The following EHBP1 variants were observed in gnomAD, a reference collection of about 807,000 sequenced individuals.
EHBP1 encodes EH domain binding protein 1.
EHBP1 carries 55 observed loss-of-function variants against 144.0 expected under a neutral mutation model. The ratio of observed to expected loss-of-function variants is 0.38; its 90% CI spans 0.31 to 0.48. The LOEUF (loss-of-function observed/expected upper bound fraction) is 0.48. EHBP1 is among the 20% of genes least tolerant of loss of function. The pLI, the probability that EHBP1 is intolerant of heterozygous loss-of-function variation, is 0.98. For synonymous variants in EHBP1, 469 were observed against 472.7 expected, an observed-to-expected ratio of 0.99 and a Z score of 0.10; for missense variants, 1,200 against 1,364.2, an observed-to-expected ratio of 0.88 and a Z score of 1.90.
chr2:63,002,467 TAGA>T (rs2059887289), intron 19 of EHBP1, among the ~76,000 whole-genome samples: 7 of 152,138 alleles, frequency 4.6e-5, no homozygotes, highest in Admixed American at 4.6e-4. Flanking sequence ...CTCAGTGTAT[TAGA>T]AGAACTTATA....
At chr2:62,858,574 TCTTGA>T in intron 7 of EHBP1, 1 of 1,029,346 alleles carries the variant, frequency 9.7e-7, no homozygotes, top group Non-Finnish European at 1.5e-6. Context: ...ACCTGCTACC[TCTTGA>T]CTTCTGTCTG....
chr2:63,014,969 ACT>A (rs1366251809), intron 19 of EHBP1, among the ~76,000 whole-genome samples: 2 of 152,108 alleles, frequency 1.3e-5, no homozygotes, highest in Admixed American at 6.6e-5. Flanking sequence ...CAAGAGTGAA[ACT>A]CTGTCTCAAA....
At chr2:62,987,900 A>T in intron 15 of EHBP1, 1 of 1,156,606 alleles carries the variant, frequency 8.6e-7, no homozygotes, top group Non-Finnish European at 1.3e-6. Context: ...TATAAATAAT[A>T]TACTAACATT....
chr2:62,680,123 C>T (rs1046936644), intron 1 of EHBP1, among the ~76,000 whole-genome samples: 3 of 152,156 alleles, frequency 2.0e-5, no homozygotes, highest in Non-Finnish European at 2.9e-5. Flanking sequence ...TCTACATGAA[C>T]GCTTTCACTG....
Position 62,949,068 on chromosome 2 carries a change from A to G in EHBP1, c.2222A>G (p.Lys741Arg). The G allele has an allele frequency of 6.2e-7, 1 of 1,608,380 alleles. No homozygotes were observed. The highest frequency in any genetic ancestry group is 1.3e-5 in the African/African-American group (1 of 74,640). Reference protein sequence around the residue: ...YSYSRDLDLAKKKHASLRQTE... With the variant: ...YSYSRDLDLARKKHASLRQTE... ...TATAGTAGAGATCTAGACCTTGCTAAGAAAAAACATGCTTCCCTGAGGCAG... is the reference window on the plus strand; with the variant it reads ...TATAGTAGAGATCTAGACCTTGCTAGGAAAAAACATGCTTCCCTGAGGCAG... Residue 741 changes from lysine (K) to arginine (R), a missense_variant, in exon 13 of 23, where the codon AAG (lysine) becomes AGG (arginine). Around this residue, in one of 6 missense-constraint regions of EHBP1, gnomAD observed 543 missense variants for 513.1 expected, o/e 1.06. Transcript: ENST00000431489.
intron 14 of EHBP1, among the ~76,000 whole-genome samples, chr2:62,963,784 A>G (rs1425477762): frequency 1.3e-5 from 2 of 152,182 alleles, no homozygotes; most frequent in East Asian, 3.8e-4. Flanking sequence ...TAACATACAG[A>G]TTTTATTTAG....
At chr2:62,937,507 A>C (rs1213851199) in intron 10 of EHBP1, among the ~76,000 whole-genome samples, 1 of 152,254 alleles carries the variant, frequency 6.6e-6, no homozygotes, top group Non-Finnish European at 1.5e-5. Flanking sequence ...ATATTATAGT[A>C]AAATGAAAAT....
chr2:62,694,137 TAAAG>T (rs1172646913), intron 1 of EHBP1, among the ~76,000 whole-genome samples: 7 of 152,222 alleles, frequency 4.6e-5, no homozygotes, highest in Admixed American at 2.0e-4. Flanking sequence ...CAAAGAACAT[TAAAG>T]AAATTATTGC....
At chr2:62,940,850 T>C (rs1426602577) in intron 10 of EHBP1, among the ~76,000 whole-genome samples, 3 of 152,206 alleles carry the variant, frequency 2.0e-5, no homozygotes, top group Non-Finnish European at 4.4e-5. Flanking sequence ...CCTTTTCATA[T>C]TGAGCCTTCT....
At chr2:62,677,825 T>C (rs556391859) in intron 1 of EHBP1, among the ~76,000 whole-genome samples, 12 of 152,218 alleles carry the variant, frequency 7.9e-5, no homozygotes, top group Admixed American at 2.6e-4. Flanking sequence ...TCTCATTCTT[T>C]CTTTTGGCTG....
At chr2:62,819,483 C>G (rs2045718002) in intron 5 of EHBP1, among the ~76,000 whole-genome samples, 1 of 152,146 alleles carries the variant, frequency 6.6e-6, no homozygotes, top group Admixed American at 6.5e-5. Flanking sequence ...TGCAGCCGGG[C>G]ACAGTGGCTC....
chr2:62,772,985 A>G (rs1484480703), intron 5 of EHBP1, among the ~76,000 whole-genome samples: 2 of 152,198 alleles, frequency 1.3e-5, no homozygotes, highest in Non-Finnish European at 2.9e-5. Context: ...GGATTGTGAA[A>G]TTGCTATATT....
chr2:62,732,997 G>GT (rs2037761386), intron 2 of EHBP1, among the ~76,000 whole-genome samples: 1 of 152,046 alleles, frequency 6.6e-6, no homozygotes, highest in Non-Finnish European at 1.5e-5. Flanking sequence ...TTTTTTAAGA[G>GT]TTTTCATTTC....
At chr2:62,896,061 G>A (rs1347279534) in intron 10 of EHBP1, among the ~76,000 whole-genome samples, 2 of 152,124 alleles carry the variant, frequency 1.3e-5, no homozygotes, top group East Asian at 3.8e-4. Context: ...AATAGACACA[G>A]TTTCTAACTT....
At chr2:62,962,018 A>T (rs951647235) in intron 14 of EHBP1, among the ~76,000 whole-genome samples, 2 of 151,934 alleles carry the variant, frequency 1.3e-5, no homozygotes, top group Non-Finnish European at 2.9e-5. Flanking sequence ...ACAGAGCAAG[A>T]CTCTGTCTCA....
At chr2:62,864,118 G>A (rs114163943) in intron 8 of EHBP1, among the ~76,000 whole-genome samples, 2,119 of 152,068 alleles carry the variant, frequency 0.014, 57 homozygotes, top group African/African-American at 0.049. Context: ...AAAGAGTTGG[G>A]ATTACAGGTG....
In EHBP1 at chr2:62,707,171, C is replaced by G. The variant is rs375031846; in HGVS notation, c.-21C>G. On this transcript the variant is annotated 5_prime_UTR_variant, in exon 2 of 23. Transcript: ENST00000431489. Reference sequence around the variant, plus strand: ...GCTGTATTGCTAACCCAGAACTGCTCCAGTGTCTTGACTGATCATCATGGC... The same window carrying G: ...GCTGTATTGCTAACCCAGAACTGCTGCAGTGTCTTGACTGATCATCATGGC... 3.9e-5 allele frequency: 62 copies of G among 1,601,940 alleles called. No homozygotes were observed. Among genetic ancestry groups the G allele is most frequent in the Middle Eastern group, 3.3e-4 (2 of 6,056 alleles).
chr2:62,866,907 A>G (rs1276353740), intron 9 of EHBP1, among the ~76,000 whole-genome samples: 1 of 152,174 alleles, frequency 6.6e-6, no homozygotes, highest in Admixed American at 6.5e-5. Context: ...AAAAATGAAG[A>G]AAGTCATAGC....
At chr2:62,943,897 C>T (rs767954445) in intron 12 of EHBP1, 47 bp downstream of exon 12, 15 of 1,397,852 alleles carry the variant, frequency 1.1e-5, no homozygotes, top group Non-Finnish European at 1.5e-5. Flanking sequence ...ATTTTGGCTT[C>T]TCTGCAGGTC....
Sources: gnomAD v4.1 joint callset for allele counts (sites outside exome capture counted in the v4.1 genomes callset) on GRCh38, gnomAD v4.1.1 for gene constraint, gnomAD v4.1.1 regional missense constraint, MANE v1.5 for transcripts, NCBI Gene and HGNC (gene_info 2026-07-23, HGNC 2026-07-21) for gene names.